Variants in KLHL1 observed in about 807,000 individuals in gnomAD.
The protein encoded by KLHL1 is kelch like family member 1.
Under a neutral mutation model 77.7 loss-of-function variants are expected in KLHL1, and 47 were observed. The observed-to-expected ratio is 0.60, with a 90% CI of 0.48 to 0.77. The LOEUF (loss-of-function observed/expected upper bound fraction) is 0.77, where lower values mean the gene tolerates loss of function less well. Among genes scored for constraint, KLHL1 ranks in the 30% least tolerant of loss-of-function variants. The pLI is 0.00. For synonymous variants in KLHL1, 360 were observed against 325.2 expected, an observed-to-expected ratio of 1.11 and a Z score of -1.15; for missense variants, 925 against 910.8, an observed-to-expected ratio of 1.02 and a Z score of -0.20.
intron 1 of KLHL1, among the ~76,000 whole-genome samples, chr13:70,101,163 GCTTT>G (rs1215396296): frequency 1.1e-4 from 16 of 152,060 alleles, no homozygotes; most frequent in South Asian, 4.1e-4. Context: ...ACATATGTAG[GCTTT>G]CTTTATTTTT....
At chr13:69,983,595 G>GAAA (rs1690958727) in intron 1 of KLHL1, among the ~76,000 whole-genome samples, 6 of 103,536 alleles carry the variant, frequency 5.8e-5, no homozygotes, top group African/African-American at 2.7e-4. Context: ...AAAAAAAGAA[G>GAAA]AAGAAGAAGA....
chr13:69,892,070 C>T (rs1257366373), intron 4 of KLHL1, among the ~76,000 whole-genome samples: 1 of 151,966 alleles, frequency 6.6e-6, no homozygotes, highest in Non-Finnish European at 1.5e-5. Context: ...ATATTAGGTA[C>T]ATTAACTTCC....
In KLHL1 at chr13:69,927,461, A is replaced by G. The variant is rs1294929996; in HGVS notation, c.1014+12579T>C. ...ATTGAGAAAACACTTTCTCATCAGG[A>G]AAGTGAGAAGCGACCCACAAAATTT... On this transcript the variant is annotated intron_variant, in intron 4 of 10. Transcript: ENST00000377844. Among the ~76,000 whole-genome samples, 4 of 152,212 alleles carry G rather than the reference A, an allele frequency of 2.6e-5. No homozygotes were observed. The East Asian group carries it at 7.7e-4, about 29-fold the overall frequency.
intron 6 of KLHL1, among the ~76,000 whole-genome samples, chr13:69,833,977 C>G (rs1437021603): frequency 6.6e-6 from 1 of 151,754 alleles, no homozygotes; most frequent in Non-Finnish European, 1.5e-5. Context: ...AGTGAAGTAA[C>G]CCAGCAATGG....
intron 8 of KLHL1, among the ~76,000 whole-genome samples, chr13:69,731,095 T>C (rs1873525745): frequency 6.6e-6 from 1 of 152,138 alleles, no homozygotes; most frequent in Non-Finnish European, 1.5e-5. Context: ...TTAATAAATG[T>C]ATATATTTAC....
intron 5 of KLHL1, 106 bp downstream of exon 5, chr13:69,882,177 C>A (rs1014078990): frequency 7.9e-6 from 6 of 760,660 alleles, no homozygotes; most frequent in African/African-American, 5.2e-5. Context: ...TTGATAAAAG[C>A]ATTTAAAAAT....
chr13:69,948,908 T>C (rs1210656496), intron 3 of KLHL1, among the ~76,000 whole-genome samples: 2 of 151,962 alleles, frequency 1.3e-5, no homozygotes, highest in African/African-American at 4.8e-5. Flanking sequence ...ATTTTATCTA[T>C]CATCATTCTG....
intron 1 of KLHL1, among the ~76,000 whole-genome samples, chr13:70,060,345 G>A (rs1307803087): frequency 6.6e-6 from 1 of 152,144 alleles, no homozygotes; most frequent in African/African-American, 2.4e-5. Context: ...CCACTATAGA[G>A]AACAGTATGC....
intron 1 of KLHL1, among the ~76,000 whole-genome samples, chr13:70,051,500 TAAA>T (rs1006202859): frequency 1.3e-5 from 2 of 152,042 alleles, no homozygotes; most frequent in Non-Finnish European, 2.9e-5. Context: ...ATATTCACCA[TAAA>T]GAAGTGCGTG....
intron 7 of KLHL1, among the ~76,000 whole-genome samples, chr13:69,763,816 G>A (rs1486194579): frequency 6.6e-6 from 1 of 152,178 alleles, no homozygotes; most frequent in Non-Finnish European, 1.5e-5. Flanking sequence ...TGTTAAAGAA[G>A]ATAGATCCCA....
At chr13:69,826,101 T>C (rs1255137525) in intron 6 of KLHL1, among the ~76,000 whole-genome samples, 4 of 152,208 alleles carry the variant, frequency 2.6e-5, no homozygotes, top group African/African-American at 7.2e-5. Flanking sequence ...ATCTCACTTT[T>C]GCATAGGAGC....
intron 6 of KLHL1, among the ~76,000 whole-genome samples, chr13:69,808,633 A>G (rs1056651648): frequency 2.0e-5 from 3 of 152,206 alleles, no homozygotes; most frequent in Non-Finnish European, 1.5e-5. Flanking sequence ...AGAAACAACC[A>G]GCACAAAAAC....
At chr13:69,929,341 C>T (rs982952068) in intron 4 of KLHL1, among the ~76,000 whole-genome samples, 2 of 151,830 alleles carry the variant, frequency 1.3e-5, no homozygotes, top group Admixed American at 6.6e-5. Flanking sequence ...AAATCTCAAA[C>T]GCCTTCAGTA....
At chr13:70,078,189 C>T (rs73214640) in intron 1 of KLHL1, among the ~76,000 whole-genome samples, 2 of 145,548 alleles carry the variant, frequency 1.4e-5, no homozygotes, top group South Asian at 2.1e-4. Context: ...TTAACTCAAT[C>T]AAAAAAAAAA....
chr13:69,881,501 T>C (rs1880986737), intron 5 of KLHL1, among the ~76,000 whole-genome samples: 1 of 152,150 alleles, frequency 6.6e-6, no homozygotes, highest in Non-Finnish European at 1.5e-5. Flanking sequence ...AACTTAGAAG[T>C]TAGGGTCACC....
At position 69,719,424 on chromosome 13, in the gene KLHL1, C is replaced by T; in HGVS notation, c.1960G>A (p.Gly654Ser). ...TCDGFLYAVGGHDAPASNHCS... is the reference protein window; with the variant it reads ...TCDGFLYAVGSHDAPASNHCS... The stretch of plus-strand genomic sequence containing the variant: ...TGATTTGAAGCAGGAGCATCATGAC[C>T]TCCTACTGCATAAAGAAAACCGTCA... The change falls in exon 9 of 11, where the codon GGT becomes AGT. Residue 654 changes from glycine to serine, a missense_variant. Transcript: ENST00000377844. The T allele has an allele frequency of 6.2e-7, 1 of 1,613,572 alleles. No homozygotes were observed. The highest frequency in any genetic ancestry group is 8.5e-7 in the Non-Finnish European group (1 of 1,179,752).
At chr13:69,887,945 T>C (rs1881279797) in intron 4 of KLHL1, among the ~76,000 whole-genome samples, 1 of 152,204 alleles carries the variant, frequency 6.6e-6, no homozygotes, top group Admixed American at 6.5e-5. Context: ...AGTAACTCCC[T>C]ATCCCTCGGT....
chr13:69,999,560 G>A (rs1025332328), intron 1 of KLHL1, among the ~76,000 whole-genome samples: 1 of 149,222 alleles, frequency 6.7e-6, no homozygotes, highest in Admixed American at 6.7e-5. Context: ...AGGTAAGTAA[G>A]AGATTGGGAT....
chr13:70,002,862 C>A (rs1487129855), intron 1 of KLHL1, among the ~76,000 whole-genome samples: 1 of 151,574 alleles, frequency 6.6e-6, no homozygotes, highest in Non-Finnish European at 1.5e-5. Context: ...GAAATACATT[C>A]TTAAGCAAGT....
Sources: gnomAD v4.1 joint callset for allele counts (sites outside exome capture counted in the v4.1 genomes callset) on GRCh38, gnomAD v4.1.1 for gene constraint, MANE v1.5 for transcripts, NCBI Gene and HGNC (gene_info 2026-07-23, HGNC 2026-07-21) for gene names.